Variants in TRDN observed in about 807,000 individuals in gnomAD.
TRDN encodes triadin in skeletal muscle.
TRDN carries 161 observed loss-of-function variants against 149.7 expected under a neutral mutation model. That is an observed-to-expected ratio of 1.08 (90% confidence interval 0.95 to 1.23). TRDN has a LOEUF of 1.23. TRDN is among the 50% of genes most tolerant of loss of function. TRDN has a pLI of 0.00. For missense variants in TRDN, 896 were observed against 823.5 expected (o/e 1.09, Z -1.08); for synonymous variants, 294 against 250.5 (o/e 1.17, Z -1.64).
At chr6:123,342,098 C>T (rs573726375) in intron 21 of TRDN, among the ~76,000 whole-genome samples, 67 of 151,980 alleles carry the variant, frequency 4.4e-4, no homozygotes, top group African/African-American at 1.5e-3. Flanking sequence ...TATATACACA[C>T]TTTGATATTC....
chr6:123,528,394 A>T (rs1281112498), intron 5 of TRDN, among the ~76,000 whole-genome samples: 2 of 151,844 alleles, frequency 1.3e-5, no homozygotes, highest in East Asian at 3.9e-4. Context: ...AGGGGAAAAA[A>T]ACTATAGAGA....
At chr6:123,626,989 C>T (rs959603528) in intron 1 of TRDN, among the ~76,000 whole-genome samples, 21 of 151,732 alleles carry the variant, frequency 1.4e-4, no homozygotes, top group Middle Eastern at 3.4e-3. Context: ...AGTGCAGTGG[C>T]ACGATCTCGG....
At chr6:123,604,148 T>G (rs1236418922) in intron 1 of TRDN, among the ~76,000 whole-genome samples, 3 of 152,202 alleles carry the variant, frequency 2.0e-5, no homozygotes, top group Non-Finnish European at 4.4e-5. Flanking sequence ...GATCTGATCC[T>G]TCCCTCAAGG....
intron 5 of TRDN, among the ~76,000 whole-genome samples, chr6:123,525,652 A>G (rs1334622431): frequency 6.6e-6 from 1 of 152,062 alleles, no homozygotes; most frequent in African/African-American, 2.4e-5. Flanking sequence ...ATTATGAAAC[A>G]TACCCAAGTA....
chr6:123,550,974 T>C (rs1027606535), intron 2 of TRDN, among the ~76,000 whole-genome samples: 1 of 151,844 alleles, frequency 6.6e-6, no homozygotes, highest in African/African-American at 2.4e-5. Context: ...AAGAATCATA[T>C]GTAAGGAACT....
intron 12 of TRDN, among the ~76,000 whole-genome samples, chr6:123,416,698 C>CTTTTTTTT (rs139842688): frequency 4.1e-5 from 6 of 146,250 alleles, no homozygotes; most frequent in Admixed American, 6.9e-5. Context: ...TTCTTTTCCT[C>CTTTTTTTT]TTTTTTTCTT....
chr6:123,604,463 A>C (rs753164428), intron 1 of TRDN, among the ~76,000 whole-genome samples: 39 of 152,216 alleles, frequency 2.6e-4, no homozygotes, highest in Non-Finnish European at 4.9e-4. Flanking sequence ...AAGAGGCTGG[A>C]CTTCATAACA....
chr6:123,448,271 C>A (rs1236977143), intron 10 of TRDN, among the ~76,000 whole-genome samples: 1 of 152,172 alleles, frequency 6.6e-6, no homozygotes, highest in Non-Finnish European at 1.5e-5. Context: ...ATCTGGTGTG[C>A]AGACTCCACA....
At chr6:123,351,611 C>A in intron 21 of TRDN, 2 of 966,636 alleles carry the variant, frequency 2.1e-6, no homozygotes, top group Non-Finnish European at 2.5e-6. Flanking sequence ...TAACTGAATT[C>A]TTAACCTTAG....
chr6:123,423,542 T>C (rs1333544683), intron 12 of TRDN, among the ~76,000 whole-genome samples: 1 of 152,180 alleles, frequency 6.6e-6, no homozygotes, highest in Admixed American at 6.5e-5. Context: ...TTAAAGTTGC[T>C]ATAACTATTC....
chr6:123,570,719 A>C (rs1046711065), intron 2 of TRDN, among the ~76,000 whole-genome samples: 1 of 152,174 alleles, frequency 6.6e-6, no homozygotes, highest in African/African-American at 2.4e-5. Flanking sequence ...ATTTCATTGG[A>C]AATCAATAAG....
At chr6:123,506,410 G>A (rs1778926427) in intron 7 of TRDN, among the ~76,000 whole-genome samples, 1 of 151,896 alleles carries the variant, frequency 6.6e-6, no homozygotes, top group Non-Finnish European at 1.5e-5. Context: ...TGTGTCAACT[G>A]TTGTCAGACT....
intron 12 of TRDN, among the ~76,000 whole-genome samples, chr6:123,423,127 C>T (rs953434784): frequency 3.9e-5 from 6 of 152,028 alleles, no homozygotes; most frequent in African/African-American, 1.4e-4. Context: ...TAATTTTATA[C>T]TCCAGCTATA....
chr6:123,244,190 TC>T (rs1440183778), intron 38 of TRDN, among the ~76,000 whole-genome samples: 1 of 151,554 alleles, frequency 6.6e-6, no homozygotes, highest in African/African-American at 2.4e-5. Context: ...CCTCTTCTCC[TC>T]CAAAGGATCA....
At chr6:123,302,713 G>A (rs1033315421) in intron 24 of TRDN, among the ~76,000 whole-genome samples, 1 of 152,080 alleles carries the variant, frequency 6.6e-6, no homozygotes, top group African/African-American at 2.4e-5. Context: ...TTTCTTTCTG[G>A]AGATAAGGGC....
intron 9 of TRDN, among the ~76,000 whole-genome samples, chr6:123,483,106 T>C (rs1331999736): frequency 6.9e-6 from 1 of 145,638 alleles, no homozygotes; most frequent in East Asian, 2.0e-4. Flanking sequence ...ATTATTATTA[T>C]TATTATTATT....
At chr6:123,528,780 A>G in intron 5 of TRDN, 1 of 991,522 alleles carries the variant, frequency 1.0e-6, no homozygotes. Flanking sequence ...ATAAAGTGAA[A>G]TCTTTTGTTC....
intron 21 of TRDN, among the ~76,000 whole-genome samples, chr6:123,338,176 TA>T (rs958283912): frequency 2.0e-5 from 3 of 152,150 alleles, no homozygotes; most frequent in Non-Finnish European, 2.9e-5. Flanking sequence ...AGTAGTTGCA[TA>T]ATGGGCTCAG....
chr6:123,447,598 T>TG (rs1046650582), intron 10 of TRDN, among the ~76,000 whole-genome samples: 4 of 152,126 alleles, frequency 2.6e-5, no homozygotes, highest in Non-Finnish European at 5.9e-5. Flanking sequence ...GCTCATGTCT[T>TG]GCAGATGCAG....
Sources: allele counts gnomAD v4.1 joint callset (sites outside exome capture counted in the v4.1 genomes callset), GRCh38; gene constraint gnomAD v4.1.1; transcripts MANE v1.5; gene names NCBI Gene and HGNC (gene_info 2026-07-23, HGNC 2026-07-21).